STK33: variants seen among roughly 807,000 people sequenced by gnomAD.
STK33 encodes serine/threonine-protein kinase 33.
Under a neutral mutation model 58.0 loss-of-function variants are expected in STK33, and 52 were observed. The observed-to-expected ratio is 0.90, with a 90% CI of 0.72 to 1.13. STK33 has a LOEUF of 1.13. STK33 is among the 50% of genes most tolerant of loss of function. The probability of loss-of-function intolerance (pLI) is 0.00; values close to 1 mark genes in which losing one functional copy is unlikely to be tolerated. For missense variants in STK33, 630 were observed against 604.2 expected (o/e 1.04, Z -0.45); for synonymous variants, 215 against 200.1 (o/e 1.07, Z -0.63).
At chr11:8,358,024 G>T in the STK33 span, among the ~76,000 whole-genome samples, 95 of 152,328 alleles carry the variant, frequency 6.2e-4, no homozygotes, top group South Asian at 0.011. Flanking sequence ...CCCCATACAG[G>T]CTCCTGGTGT....
intron 14 of STK33, among the ~76,000 whole-genome samples, chr11:8,424,559 A>G (rs1489326536): frequency 2.7e-4 from 41 of 151,846 alleles, no homozygotes; most frequent in Non-Finnish European, 1.9e-4. Context: ...CTGAGGAATC[A>G]TCACACTGAC....
At chr11:8,552,321 T>C (rs975442822) in intron 1 of STK33, among the ~76,000 whole-genome samples, 1 of 152,204 alleles carries the variant, frequency 6.6e-6, no homozygotes, top group Admixed American at 6.5e-5. Flanking sequence ...TTCAGGGTGG[T>C]ATTCTTGTTT....
At chr11:8,352,922 G>C in the STK33 span, among the ~76,000 whole-genome samples, 1 of 152,232 alleles carries the variant, frequency 6.6e-6, no homozygotes, top group Non-Finnish European at 1.5e-5. Context: ...GGGTTCCAGA[G>C]GGAGCGGCAG....
At chr11:8,358,232 C>T in the STK33 span, among the ~76,000 whole-genome samples, 9 of 152,190 alleles carry the variant, frequency 5.9e-5, no homozygotes, top group African/African-American at 1.9e-4. Flanking sequence ...GAAGACCACA[C>T]TGGAAGACGT....
intron 1 of STK33, among the ~76,000 whole-genome samples, chr11:8,490,521 C>A (rs1420020831): frequency 6.6e-6 from 1 of 152,230 alleles, no homozygotes; most frequent in Non-Finnish European, 1.5e-5. Context: ...GCAGAAACTT[C>A]TGCAGACTTA....
chr11:8,557,257 A>AAGGGAAGGGAAGGGAGGGG (rs1956807748), intron 1 of STK33, among the ~76,000 whole-genome samples: 3 of 17,960 alleles, frequency 1.7e-4, no homozygotes, highest in Admixed American at 6.7e-4. Context: ...TGGGGAAGGG[A>AAGGGAAGGGAAGGGAGGGG]AGGGGAGGGG....
chr11:8,398,788 CAA>C (rs150910190), intron 15 of STK33, among the ~76,000 whole-genome samples: 56,787 of 133,986 alleles, frequency 0.42, 11,219 homozygotes, highest in East Asian at 0.63. Context: ...AAATGGAAAA[CAA>C]AAAAAAAAAA....
chr11:8,398,130 G>A (rs552457132), intron 15 of STK33, among the ~76,000 whole-genome samples: 6 of 152,174 alleles, frequency 3.9e-5, no homozygotes, highest in South Asian at 2.1e-4. Context: ...GATACTCCTC[G>A]AGAAGAGCAA....
intron 11 of STK33, among the ~76,000 whole-genome samples, chr11:8,443,717 C>A (rs905788007): frequency 1.3e-4 from 20 of 151,960 alleles, no homozygotes; most frequent in Non-Finnish European, 2.5e-4. Flanking sequence ...AAAAACAAAC[C>A]ACTAGCCACA....
intron 1 of STK33, among the ~76,000 whole-genome samples, chr11:8,572,882 A>T (rs1266574563): frequency 1.3e-5 from 2 of 152,142 alleles, no homozygotes; most frequent in South Asian, 2.1e-4. Flanking sequence ...ATAAAAGATT[A>T]AAAAAATGCT....
intron 1 of STK33, chr11:8,533,597 C>G (rs1954722161): frequency 6.6e-6 from 1 of 151,952 alleles, no homozygotes; most frequent in South Asian, 2.1e-4. Flanking sequence ...AGAAAAAACA[C>G]CATTAATATT....
chr11:8,406,130 G>A (rs1385140675), intron 15 of STK33, among the ~76,000 whole-genome samples: 4 of 127,586 alleles, frequency 3.1e-5, no homozygotes, highest in Admixed American at 1.9e-4. Context: ...GTGACAGAGC[G>A]AGACTCCGTC....
chr11:8,474,873 T>C lies in STK33; in HGVS notation c.33A>G (p.Thr11=). 9 of 1,591,764 alleles carry C rather than the reference T, an allele frequency of 5.7e-6. No homozygotes were observed. The highest frequency in any genetic ancestry group is 6.8e-6 in the Non-Finnish European group (8 of 1,170,342). Residue 11 remains threonine (T), a synonymous_variant, in exon 5 of 16, where the codon ACA becomes ACG. Coordinates refer to ENST00000687296, the MANE Select transcript of STK33 (RefSeq NM_001352389.2). ...AAGCAGATGAACAGTCGGGGCATTT[T>C]GTGGATTTTTTATCTAAGCCACTAT... MADSGLDKKS[T]KCPDCSSASQ... is the part of the protein sequence containing the mutation.
At chr11:8,454,659 A>G (rs962719228) in intron 10 of STK33, 85 bp downstream of exon 10, 18 of 1,426,284 alleles carry the variant, frequency 1.3e-5, no homozygotes, top group Non-Finnish European at 1.7e-5. Context: ...AAAGCTAGCA[A>G]CATGTGTCTA....
intron 1 of STK33, chr11:8,554,979 A>G (rs1323800337): frequency 6.6e-6 from 1 of 152,172 alleles, no homozygotes; most frequent in Admixed American, 6.6e-5. Flanking sequence ...GGGGGACATT[A>G]TGTTAACTGA....
chr11:8,439,258 A>G (rs1479773134), intron 12 of STK33, among the ~76,000 whole-genome samples: 1 of 152,184 alleles, frequency 6.6e-6, no homozygotes. Flanking sequence ...AAGATGAATA[A>G]TCTAAGGTCT....
chr11:8,424,195 G>A (rs1473173106), intron 14 of STK33, among the ~76,000 whole-genome samples: 1 of 144,594 alleles, frequency 6.9e-6, no homozygotes, highest in African/African-American at 2.6e-5. Context: ...GTGTCCTAGT[G>A]TTCTCATTGT....
At chr11:8,391,221 C>T (rs767908232), downstream of STK33, among the ~76,000 whole-genome samples, 8 of 152,118 alleles carry the variant, frequency 5.3e-5, no homozygotes, top group Admixed American at 1.3e-4. Context: ...GCTTATGATA[C>T]GACTGGAACT....
Position 8,494,204 on chromosome 11 carries a change from G to A in STK33, c.-465-13590C>T, listed in dbSNP as rs932549680. Among the ~76,000 whole-genome samples, 23 of 152,216 alleles carry A rather than the reference G, an allele frequency of 1.5e-4. No individual in the cohort carries two copies. The South Asian group carries it at 2.3e-3, about 15-fold the overall frequency. On this transcript the variant is annotated intron_variant, in intron 1 of 15. Transcript: ENST00000687296. Reference sequence around the variant, plus strand: ...GATTGTATATTTAGAAAACCCCATCGTCTCAGCCCAAAATCTCCTTAAGCT... The same window carrying A: ...GATTGTATATTTAGAAAACCCCATCATCTCAGCCCAAAATCTCCTTAAGCT...
Sources: allele counts gnomAD v4.1 joint callset (sites outside exome capture counted in the v4.1 genomes callset), GRCh38; gene constraint gnomAD v4.1.1; transcripts MANE v1.5; gene names NCBI Gene and HGNC (gene_info 2026-07-23, HGNC 2026-07-21).